Variants in CSMD1 observed in about 807,000 individuals in gnomAD.
The protein encoded by CSMD1 is CUB and sushi domain-containing protein 1.
Under a neutral mutation model 417.5 loss-of-function variants are expected in CSMD1, and 213 were observed. The ratio of observed to expected loss-of-function variants is 0.51; its 90% CI spans 0.46 to 0.57. CSMD1 has a LOEUF of 0.57. Ranked by LOEUF, CSMD1 falls within the 20% of genes least tolerant of loss-of-function variation. The pLI is 0.00. For missense variants in CSMD1, 6,923 were observed against 4,529.7 expected (o/e 1.53, Z -15.17); for synonymous variants, 2,862 against 1,736.8 (o/e 1.65, Z -16.11).
At chr8:4,547,065 G>A (rs1283779153) in intron 2 of CSMD1, among the ~76,000 whole-genome samples, 1 of 152,004 alleles carries the variant, frequency 6.6e-6, no homozygotes. Context: ...CTACCTTTTG[G>A]ACTTGTCTAT....
At chr8:4,445,538 A>G (rs901034765) in intron 2 of CSMD1, among the ~76,000 whole-genome samples, 1 of 152,218 alleles carries the variant, frequency 6.6e-6, no homozygotes, top group Non-Finnish European at 1.5e-5. Flanking sequence ...TCATTTGGGT[A>G]GCTTGTGTGA....
intron 53 of CSMD1, among the ~76,000 whole-genome samples, chr8:2,998,521 C>A (rs1585118674): frequency 6.6e-6 from 1 of 152,172 alleles, no homozygotes; most frequent in South Asian, 2.1e-4. Flanking sequence ...GCTAAAAATT[C>A]TTGTATTAAT....
Position 4,364,550 on chromosome 8 carries a change from C to G in CSMD1, c.415+55403G>C. Among the ~76,000 whole-genome samples, 2 of 17,156 alleles carry G rather than the reference C, an allele frequency of 1.2e-4. 1 individual carries two copies. Among genetic ancestry groups the G allele is most frequent in the Non-Finnish European group, 1.9e-4 (2 of 10,580 alleles). 11.3% of individuals were successfully genotyped at this position (17,156 alleles called of 152,430 possible). ...TTTAAAAAGATAATCAATGGCCGGG[C>G]GCGGTGGCTCACGCCTGTAATCCCA... is the stretch of plus-strand genomic sequence containing the variant. On this transcript the variant is annotated intron_variant, in intron 3 of 69. Coordinates refer to ENST00000635120, the MANE Select transcript of CSMD1 (RefSeq NM_033225.6).
chr8:4,801,923 G>C (rs980432892), intron 1 of CSMD1, among the ~76,000 whole-genome samples: 4 of 152,174 alleles, frequency 2.6e-5, no homozygotes, highest in African/African-American at 9.6e-5. Context: ...TTCGTACTGT[G>C]ATTCAAGGTA....
intron 3 of CSMD1, among the ~76,000 whole-genome samples, chr8:4,333,496 G>A (rs989346940): frequency 6.6e-6 from 1 of 152,078 alleles, no homozygotes; most frequent in Non-Finnish European, 1.5e-5. Context: ...ATGATTATGT[G>A]TACAGCACTA....
At chr8:3,668,610 G>C (rs759252149) in intron 7 of CSMD1, among the ~76,000 whole-genome samples, 1 of 152,010 alleles carries the variant, frequency 6.6e-6, no homozygotes, top group East Asian at 1.9e-4. Flanking sequence ...AAGAGACGAA[G>C]CCCTGGGGAG....
chr8:3,568,891 T>C (rs566388527), intron 10 of CSMD1, among the ~76,000 whole-genome samples: 3 of 152,126 alleles, frequency 2.0e-5, no homozygotes, highest in African/African-American at 7.2e-5. Context: ...ACATTTAAAC[T>C]TTCCAATGAA....
chr8:4,099,101 CTTT>C (rs1186147754), intron 3 of CSMD1, among the ~76,000 whole-genome samples: 2 of 151,510 alleles, frequency 1.3e-5, no homozygotes, highest in Admixed American at 6.6e-5. Flanking sequence ...CTGTTTTTTT[CTTT>C]TTTTGTCCAT....
intron 37 of CSMD1, among the ~76,000 whole-genome samples, chr8:3,176,419 A>C (rs1301654726): frequency 6.6e-6 from 1 of 152,176 alleles, no homozygotes; most frequent in African/African-American, 2.4e-5. Flanking sequence ...TCTCATTAAA[A>C]AGTGTGCATT....
At chr8:4,514,505 G>C (rs1393603980) in intron 2 of CSMD1, among the ~76,000 whole-genome samples, 1 of 152,136 alleles carries the variant, frequency 6.6e-6, no homozygotes, top group Admixed American at 6.5e-5. Context: ...GGGAATCAAC[G>C]AAGAGGGAAC....
chr8:4,760,386 G>C (rs1010227480), intron 1 of CSMD1, among the ~76,000 whole-genome samples: 1 of 152,098 alleles, frequency 6.6e-6, no homozygotes, highest in African/African-American at 2.4e-5. Flanking sequence ...GCACAAATGA[G>C]ATTAAAATTC....
chr8:4,450,853 A>T (rs897153755), intron 2 of CSMD1, among the ~76,000 whole-genome samples: 1 of 152,190 alleles, frequency 6.6e-6, no homozygotes, highest in African/African-American at 2.4e-5. Context: ...TGGATGTGAG[A>T]GGAACAATTG....
At chr8:4,879,888 A>G (rs889737237) in intron 1 of CSMD1, among the ~76,000 whole-genome samples, 3 of 152,094 alleles carry the variant, frequency 2.0e-5, no homozygotes, top group South Asian at 2.1e-4. Context: ...ATCAGTCAGG[A>G]TGTTCTTACA....
At chr8:4,213,782 A>G (rs577720661) in intron 3 of CSMD1, among the ~76,000 whole-genome samples, 1 of 152,174 alleles carries the variant, frequency 6.6e-6, no homozygotes, top group African/African-American at 2.4e-5. Context: ...AGCTGTGGTG[A>G]GGGTGGAACG....
At chr8:3,434,124 G>A (rs1322307890) in intron 12 of CSMD1, among the ~76,000 whole-genome samples, 1 of 152,156 alleles carries the variant, frequency 6.6e-6, no homozygotes, top group South Asian at 2.1e-4. Context: ...AATTATATAA[G>A]AATACCTTTG....
intron 5 of CSMD1, among the ~76,000 whole-genome samples, chr8:3,868,018 T>C (rs1165260437): frequency 6.6e-6 from 1 of 152,096 alleles, no homozygotes; most frequent in Non-Finnish European, 1.5e-5. Context: ...TCCTTCCTTC[T>C]CCAATCCTGA....
intron 8 of CSMD1, among the ~76,000 whole-genome samples, chr8:3,604,023 G>T (rs1801486806): frequency 6.6e-6 from 1 of 152,114 alleles, no homozygotes; most frequent in Non-Finnish European, 1.5e-5. Flanking sequence ...CTTACAACCT[G>T]TAAATGTAAA....
intron 26 of CSMD1, among the ~76,000 whole-genome samples, chr8:3,252,808 G>A (rs1253045584): frequency 6.6e-6 from 1 of 152,140 alleles, no homozygotes; most frequent in African/African-American, 2.4e-5. Context: ...TATGTGTCCA[G>A]AAATTTATCC....
At chr8:4,131,139 T>G (rs906383862) in intron 3 of CSMD1, among the ~76,000 whole-genome samples, 2 of 152,138 alleles carry the variant, frequency 1.3e-5, no homozygotes, top group Non-Finnish European at 2.9e-5. Context: ...CAAGTTATAA[T>G]CATAATGTAG....
Sources: allele counts gnomAD v4.1 joint callset (sites outside exome capture counted in the v4.1 genomes callset), GRCh38; gene constraint gnomAD v4.1.1; transcripts MANE v1.5; gene names NCBI Gene and HGNC (gene_info 2026-07-23, HGNC 2026-07-21).